TRAPPC9: variants seen among roughly 807,000 people sequenced by gnomAD.
TRAPPC9 encodes IKK2 binding protein.
Under a neutral mutation model 124.0 loss-of-function variants are expected in TRAPPC9, and 83 were observed. The ratio of observed to expected loss-of-function variants is 0.67; its 90% CI spans 0.56 to 0.80. TRAPPC9 has a LOEUF of 0.80. TRAPPC9 is among the 30% of genes least tolerant of loss of function. The probability of loss-of-function intolerance (pLI) is 0.00; values close to 1 mark genes in which losing one functional copy is unlikely to be tolerated. For missense variants in TRAPPC9, 1,302 were observed against 1,508.3 expected, an observed-to-expected ratio of 0.86 and a Z score of 2.27; for synonymous variants, 638 against 617.5, an observed-to-expected ratio of 1.03 and a Z score of -0.49.
chr8:140,194,524 A>G (rs768192934), intron 17 of TRAPPC9, among the ~76,000 whole-genome samples: 17 of 152,266 alleles, frequency 1.1e-4, no homozygotes, highest in Non-Finnish European at 2.4e-4. Flanking sequence ...AATACTTTCA[A>G]TCCAAGGTCG....
intron 16 of TRAPPC9, among the ~76,000 whole-genome samples, chr8:140,239,317 A>G (rs1268511450): frequency 6.6e-6 from 1 of 152,148 alleles, no homozygotes; most frequent in Non-Finnish European, 1.5e-5. Flanking sequence ...GCCTAGGAAC[A>G]AAGTGTAAGA....
At chr8:139,746,121 C>T (rs1818867150) in intron 21 of TRAPPC9, among the ~76,000 whole-genome samples, 1 of 152,242 alleles carries the variant, frequency 6.6e-6, no homozygotes, top group African/African-American at 2.4e-5. Flanking sequence ...GTGCTGGGCT[C>T]CTGCAATCGC....
intron 18 of TRAPPC9, among the ~76,000 whole-genome samples, chr8:140,002,470 A>G (rs1490827277): frequency 6.6e-6 from 1 of 152,144 alleles, no homozygotes; most frequent in Admixed American, 6.5e-5. Flanking sequence ...TTATCTGAAG[A>G]TTTATATGGA....
At chr8:140,091,523 T>C (rs1844565556) in intron 17 of TRAPPC9, among the ~76,000 whole-genome samples, 2 of 152,168 alleles carry the variant, frequency 1.3e-5, no homozygotes, top group Non-Finnish European at 2.9e-5. Context: ...CTCTACTTCC[T>C]AGGCACCGCA....
At chr8:140,004,283 A>G (rs1838600596) in intron 18 of TRAPPC9, among the ~76,000 whole-genome samples, 1 of 152,166 alleles carries the variant, frequency 6.6e-6, no homozygotes, top group Non-Finnish European at 1.5e-5. Context: ...ACACCAAGCT[A>G]TCTGTGTTGC....
In TRAPPC9 at chr8:140,317,599, T is replaced by G. The variant is rs534635526; in HGVS notation, c.1496-6225A>C. On this transcript the variant is annotated intron_variant, in intron 9 of 22. Transcript: ENST00000438773. ...AAGGACAGGACAACTTACAAAGTTT[T>G]CACAGTGATAAGATTATAAGTGATT... Among the ~76,000 whole-genome samples, 11 of 152,354 alleles carry G rather than the reference T, an allele frequency of 7.2e-5. No individual in the cohort carries two copies. In the East Asian group the frequency reaches 1.7e-3, roughly 24 times the overall value.
chr8:139,941,937 C>T (rs1012412857), intron 19 of TRAPPC9, among the ~76,000 whole-genome samples: 1 of 152,178 alleles, frequency 6.6e-6, no homozygotes, highest in Non-Finnish European at 1.5e-5. Context: ...TCCTGCAGAT[C>T]GGTGTGCAGG....
At chr8:139,893,881 C>T (rs1830502114) in intron 20 of TRAPPC9, among the ~76,000 whole-genome samples, 1 of 152,226 alleles carries the variant, frequency 6.6e-6, no homozygotes, top group Non-Finnish European at 1.5e-5. Context: ...CTAGCCCCAA[C>T]CTGGGATGTC....
chr8:140,293,298 T>G (rs1240045913), intron 11 of TRAPPC9, among the ~76,000 whole-genome samples: 1 of 151,136 alleles, frequency 6.6e-6, no homozygotes, highest in Non-Finnish European at 1.5e-5. Context: ...ATTGTGGAAG[T>G]CAGTGTGGCG....
At chr8:140,106,728 A>G (rs2060673725) in intron 17 of TRAPPC9, among the ~76,000 whole-genome samples, 1 of 152,170 alleles carries the variant, frequency 6.6e-6, no homozygotes, top group Non-Finnish European at 1.5e-5. Flanking sequence ...CTTCCCACGA[A>G]AAAAAGAGGA....
Position 140,079,079 on chromosome 8 carries a change from CG to C in TRAPPC9, c.2557-55001del, listed in dbSNP as rs1214501661. On this transcript the variant is annotated intron_variant, in intron 17 of 22. Transcript: ENST00000438773. ...TTTTCGTGATGGTGAATAAGTCTCA[CG>C]AGATCTGATGGTTTTATAAAGGACT... 3.9e-5 allele frequency among the ~76,000 whole-genome samples: 6 copies of C among 152,210 alleles called. No homozygotes were observed. The East Asian group carries it at 1.2e-3, about 29-fold the overall frequency.
chr8:139,993,517 G>A (rs1324636652), intron 18 of TRAPPC9, among the ~76,000 whole-genome samples: 5 of 152,192 alleles, frequency 3.3e-5, no homozygotes, highest in East Asian at 1.9e-4. Flanking sequence ...GAGTTTGACC[G>A]AACAATTCCA....
intron 21 of TRAPPC9, among the ~76,000 whole-genome samples, chr8:139,738,043 A>T (rs1404678826): frequency 6.6e-6 from 1 of 152,180 alleles, no homozygotes; most frequent in Non-Finnish European, 1.5e-5. Context: ...AGCTTCTCCC[A>T]AGCCAGGTGC....
At chr8:140,139,277 G>C (rs184883275) in intron 17 of TRAPPC9, among the ~76,000 whole-genome samples, 1 of 152,092 alleles carries the variant, frequency 6.6e-6, no homozygotes, top group Admixed American at 6.5e-5. Flanking sequence ...TTTACGGCCT[G>C]CTCAGATTTT....
At chr8:140,351,923 A>G (rs1479179784) in intron 9 of TRAPPC9, among the ~76,000 whole-genome samples, 1 of 152,172 alleles carries the variant, frequency 6.6e-6, no homozygotes, top group African/African-American at 2.4e-5. Flanking sequence ...GGTGCAATTC[A>G]ATGGTTTTGA....
intron 21 of TRAPPC9, among the ~76,000 whole-genome samples, chr8:139,823,649 C>T (rs527362044): frequency 4.6e-5 from 7 of 152,270 alleles, no homozygotes; most frequent in Admixed American, 1.3e-4. Flanking sequence ...CAGGTGGAAA[C>T]AGAGACCTAT....
chr8:140,211,798 T>C (rs894220843), intron 17 of TRAPPC9, among the ~76,000 whole-genome samples: 2 of 152,180 alleles, frequency 1.3e-5, no homozygotes, highest in African/African-American at 4.8e-5. Context: ...GGCCTCACTG[T>C]CTGGAATATC....
intron 4 of TRAPPC9, among the ~76,000 whole-genome samples, chr8:140,431,185 G>A (rs778545698): frequency 2.6e-5 from 4 of 151,808 alleles, no homozygotes; most frequent in South Asian, 2.1e-4. Flanking sequence ...CGCCGGGCGC[G>A]GTGGCTCACG....
intron 8 of TRAPPC9, among the ~76,000 whole-genome samples, chr8:140,362,691 C>T (rs1261668257): frequency 6.6e-6 from 1 of 152,078 alleles, no homozygotes; most frequent in Non-Finnish European, 1.5e-5. Context: ...GAAGCCAAGA[C>T]CAAATGCCAA....
Sources: allele counts gnomAD v4.1 joint callset (sites outside exome capture counted in the v4.1 genomes callset), GRCh38; gene constraint gnomAD v4.1.1; transcripts MANE v1.5; gene names NCBI Gene and HGNC (gene_info 2026-07-23, HGNC 2026-07-21).